Variants in ABR observed in about 807,000 individuals in gnomAD.
The protein encoded by ABR is ABR activator of RhoGEF and GTPase.
ABR carries 35 observed loss-of-function variants against 107.2 expected under a neutral mutation model. That is an observed-to-expected ratio of 0.33 (90% CI 0.25 to 0.43). The LOEUF (loss-of-function observed/expected upper bound fraction) is 0.43. ABR is among the 20% of genes least tolerant of loss of function. ABR has a pLI of 1.00. For synonymous variants in ABR, 498 were observed against 462.0 expected (o/e 1.08, Z -1.00); for missense variants, 815 against 1,115.2 (o/e 0.73, Z 3.83).
chr17:1,159,743 CAGG>C (rs554555272), intron 1 of ABR, among the ~76,000 whole-genome samples: 11 of 151,820 alleles, frequency 7.2e-5, no homozygotes, highest in African/African-American at 2.7e-4. Context: ...TACTCACACA[CAGG>C]AGAAGTAGGA....
chr17:1,057,367 G>T (rs117237122), intron 12 of ABR, among the ~76,000 whole-genome samples: 1 of 112,718 alleles, frequency 8.9e-6, no homozygotes, highest in Non-Finnish European at 1.8e-5. Flanking sequence ...TGTGTGTGTG[G>T]TGTATGCGTT....
chr17:1,106,527 CTTTTTTTTT>C (rs540643214), intron 2 of ABR, among the ~76,000 whole-genome samples: 2 of 102,586 alleles, frequency 1.9e-5, no homozygotes, highest in African/African-American at 3.8e-5. Flanking sequence ...TTCTCACAGT[CTTTTTTTTT>C]TTTTTTTTTT....
chr17:1,195,173 G>A (rs1032163163), intron 1 of ABR, among the ~76,000 whole-genome samples: 2 of 147,972 alleles, frequency 1.4e-5, no homozygotes, highest in African/African-American at 4.9e-5. Context: ...CGGGCGCAGT[G>A]GCGGGCGCCT....
upstream of ABR, among the ~76,000 whole-genome samples, chr17:1,190,282 G>T (rs1266111493): frequency 6.6e-6 from 1 of 152,170 alleles, no homozygotes; most frequent in Non-Finnish European, 1.5e-5. Flanking sequence ...CCCACTAAGG[G>T]AACTTCGGTC....
rs1426424556 is a variant in ABR, at chr17:1,157,185, G to A, written c.61+22482C>T. Among the ~76,000 whole-genome samples the A allele has an allele frequency of 2.0e-5, 3 of 152,142 alleles. No individual in the cohort carries two copies. The highest frequency in any genetic ancestry group is 7.2e-5 in the African/African-American group (3 of 41,440). ...GCTGAGTGGCAAAGCTTGGAACCCG[G>A]GCAGTCTGGTCTCAGACACTACCCT... On this transcript the variant is annotated intron_variant, in intron 1 of 22. Transcript: ENST00000302538. This position sits in a 1 kb window ranked among gnomAD's most constrained non-coding sequence, Gnocchi z 4.7.
intron 1 of ABR, among the ~76,000 whole-genome samples, chr17:1,159,807 G>A (rs144488612): frequency 1.6e-3 from 240 of 152,364 alleles, no homozygotes; most frequent in Non-Finnish European, 3.0e-3. Flanking sequence ...TGACACTTAC[G>A]ACCATTAATC....
rs566766890 is a variant in ABR, at chr17:1,078,030, G to A, written c.700+1300C>T. Among the ~76,000 whole-genome samples, 2,565 of 46,994 alleles carry A rather than the reference G, an allele frequency of 0.055. 40 individuals are homozygous for A. The highest frequency in any genetic ancestry group is 0.14 in the Middle Eastern group (13 of 94). The allele number at this position is 46,994 out of a possible 152,430, so 30.8% of individuals were successfully genotyped here. On this transcript the variant is annotated intron_variant, in intron 6 of 22. Transcript: ENST00000302538. The surrounding 1 kb of genome is among the most constrained non-coding windows in gnomAD (Gnocchi z 7.5). Reference sequence around the variant, plus strand: ...CGTGTTGATGACATGCACCTGTCCCGGGACTTCCCCCCAGCCCCCAGCCAG... The same window carrying A: ...CGTGTTGATGACATGCACCTGTCCCAGGACTTCCCCCCAGCCCCCAGCCAG...
intron 1 of ABR, among the ~76,000 whole-genome samples, chr17:1,145,679 A>G (rs2040498316): frequency 6.6e-6 from 1 of 152,232 alleles, no homozygotes; most frequent in African/African-American, 2.4e-5. Context: ...ACAGACAAGT[A>G]ATGCCAGGTC....
intron 1 of ABR, among the ~76,000 whole-genome samples, chr17:1,203,215 C>T (rs1371599193): frequency 1.3e-5 from 2 of 151,964 alleles, no homozygotes; most frequent in African/African-American, 4.8e-5. Flanking sequence ...TTTCACTTGC[C>T]GGTGTGAGCA....
chr17:1,129,815 C>T (rs1037358317), intron 1 of ABR, among the ~76,000 whole-genome samples: 5 of 151,990 alleles, frequency 3.3e-5, no homozygotes, highest in Non-Finnish European at 4.4e-5. Flanking sequence ...GGTGCGATGG[C>T]GGGTGCCTGT....
At chr17:1,073,745 C>A (rs1204656914) in intron 6 of ABR, 68 bp from the exon 7 acceptor site, 1 of 1,410,646 alleles carries the variant, frequency 7.1e-7, no homozygotes, top group Non-Finnish European at 9.7e-7. Flanking sequence ...CCCCAGAGAC[C>A]AGCTTCGTCC....
chr17:1,153,691 TGCGGG>T (rs2040914530), intron 1 of ABR: 1 of 116,974 alleles, frequency 8.5e-6, no homozygotes. Context: ...CAGGCACACC[TGCGGG>T]AGGGCTGGGG....
chr17:1,024,221 C>T (rs1031478379), intron 16 of ABR, among the ~76,000 whole-genome samples: 1 of 152,142 alleles, frequency 6.6e-6, no homozygotes, highest in Non-Finnish European at 1.5e-5. Context: ...GTCTCACGTT[C>T]AGTGGCGTCG....
At chr17:1,079,511 G>A (rs532902031) in intron 5 of ABR, 121 bp from the exon 6 acceptor site, 27 of 922,814 alleles carry the variant, frequency 2.9e-5, no homozygotes, top group East Asian at 2.1e-4. Context: ...AACAGAGGCC[G>A]GGTGTGGCGG....
chr17:1,195,116 G>C (rs1046753615), intron 1 of ABR, among the ~76,000 whole-genome samples: 44 of 142,472 alleles, frequency 3.1e-4, no homozygotes, highest in South Asian at 4.8e-4. Context: ...GACCATCCTG[G>C]CTAACACGGT....
At chr17:1,190,301 C>CA (rs1213402684), upstream of ABR, among the ~76,000 whole-genome samples, 1 of 152,210 alleles carries the variant, frequency 6.6e-6, no homozygotes, top group African/African-American at 2.4e-5. Context: ...TCTCAGTTCT[C>CA]AGAGTCCTTC....
In ABR at chr17:1,041,362, C is replaced by A. The variant is rs140996466; in HGVS notation, c.1791+8688G>T. Reference sequence around the variant, plus strand: ...AGCGTGGACGCACACGTCACAGCACCGACTGGCTCTTCCAGGTATGTGAGA... The same window carrying A: ...AGCGTGGACGCACACGTCACAGCACAGACTGGCTCTTCCAGGTATGTGAGA... On this transcript the variant is annotated intron_variant, in intron 16 of 22. Transcript: ENST00000302538. Among the ~76,000 whole-genome samples, 493 of 152,334 alleles carry A rather than the reference C, an allele frequency of 3.2e-3. 5 individuals are homozygous for A. The highest frequency in any genetic ancestry group is 0.011 in the South Asian group (54 of 4,828).
At chr17:1,145,662 T>G (rs2040497117) in intron 1 of ABR, among the ~76,000 whole-genome samples, 1 of 152,172 alleles carries the variant, frequency 6.6e-6, no homozygotes, top group Admixed American at 6.5e-5. Context: ...AAGAGGCAAT[T>G]CAGAGAACAG....
chr17:1,031,710 C>A, intron 16 of ABR: 1 of 1,250,134 alleles, frequency 8.0e-7, no homozygotes, highest in Non-Finnish European at 1.0e-6. Flanking sequence ...CGCCTTCGGG[C>A]TGCAGTCGGG....
Sources: allele counts gnomAD v4.1 joint callset (sites outside exome capture counted in the v4.1 genomes callset), GRCh38; gene constraint gnomAD v4.1.1; non-coding constraint Gnocchi (gnomAD v3.1); transcripts MANE v1.5; gene names NCBI Gene and HGNC (gene_info 2026-07-23, HGNC 2026-07-21).